The following SNTG1 variants were observed in gnomAD, a reference collection of about 807,000 sequenced individuals.
SNTG1 encodes gamma-1-syntrophin.
A neutral mutation model predicts 74.7 loss-of-function variants in SNTG1; 39 were observed. The ratio of observed to expected loss-of-function variants is 0.52; its 90% CI spans 0.40 to 0.68. SNTG1 has a LOEUF of 0.68. Ranked by LOEUF, SNTG1 falls within the 30% of genes least tolerant of loss-of-function variation. SNTG1 has a pLI of 0.00. For missense variants in SNTG1, 685 were observed against 609.5 expected (o/e 1.12, Z -1.30); for synonymous variants, 254 against 217.1 (o/e 1.17, Z -1.49).
intron 2 of SNTG1, among the ~76,000 whole-genome samples, chr8:50,268,869 G>A (rs1322828799): frequency 6.6e-6 from 1 of 151,940 alleles, no homozygotes; most frequent in Non-Finnish European, 1.5e-5. Context: ...ATGTCACCCT[G>A]GCTGGCCTCA....
At chr8:50,667,688 A>T (rs192552669) in intron 15 of SNTG1, among the ~76,000 whole-genome samples, 8 of 152,178 alleles carry the variant, frequency 5.3e-5, no homozygotes, top group Non-Finnish European at 1.0e-4. Flanking sequence ...GACATATTCA[A>T]ACCATAGTAC....
intron 2 of SNTG1, among the ~76,000 whole-genome samples, chr8:50,223,850 G>A (rs566015676): frequency 6.6e-6 from 1 of 152,078 alleles, no homozygotes; most frequent in East Asian, 1.9e-4. Flanking sequence ...AGATGCATTA[G>A]CTACACAAAA....
chr8:49,952,134 T>G (rs1809777884), intron 1 of SNTG1, among the ~76,000 whole-genome samples: 1 of 152,176 alleles, frequency 6.6e-6, no homozygotes, highest in African/African-American at 2.4e-5. Context: ...GTGCTTTTAT[T>G]GTTTACTGCT....
chr8:50,550,264 T>C (rs2094416687), intron 11 of SNTG1, among the ~76,000 whole-genome samples: 2 of 152,114 alleles, frequency 1.3e-5, no homozygotes, highest in Admixed American at 6.6e-5. Context: ...TGTTTTTCCA[T>C]GGGGAGCTTC....
chr8:50,397,208 A>T (rs757575546), intron 3 of SNTG1, among the ~76,000 whole-genome samples: 1 of 152,224 alleles, frequency 6.6e-6, no homozygotes, highest in African/African-American at 2.4e-5. Flanking sequence ...TCTATATCAC[A>T]TGCATTCCTT....
chr8:50,775,077 C>A (rs562180909), intron 18 of SNTG1, among the ~76,000 whole-genome samples: 1 of 150,924 alleles, frequency 6.6e-6, no homozygotes, highest in Non-Finnish European at 1.5e-5. Context: ...AATAAAGGAA[C>A]AAAGATAAAA....
intron 2 of SNTG1, among the ~76,000 whole-genome samples, chr8:50,263,033 T>C (rs1350575545): frequency 6.6e-6 from 1 of 152,188 alleles, no homozygotes; most frequent in Non-Finnish European, 1.5e-5. Flanking sequence ...TATTTTATAA[T>C]GGTGGATACA....
intron 4 of SNTG1, among the ~76,000 whole-genome samples, chr8:50,413,742 G>T (rs189985187): frequency 2.0e-5 from 3 of 152,046 alleles, no homozygotes; most frequent in Non-Finnish European, 4.4e-5. Flanking sequence ...ATTTTCTTAC[G>T]TTTTTTCATA....
intron 15 of SNTG1, among the ~76,000 whole-genome samples, chr8:50,688,743 A>C (rs902619688): frequency 3.7e-4 from 56 of 152,096 alleles, no homozygotes; most frequent in South Asian, 1.2e-3. Flanking sequence ...AATGCGGGCT[A>C]TTTTTTGGTT....
rs576865680 is a variant in SNTG1 at position 50,524,667 on chromosome 8, G to T, written c.467-5510G>T. On this transcript the variant is annotated intron_variant, in intron 9 of 18. Coordinates refer to ENST00000642720, the MANE Select transcript of SNTG1 (RefSeq NM_018967.5). ...ACAATAAAAATAATACAAATAAACA[G>T]TACAGTATAACAACTACATACATAT... Among the ~76,000 whole-genome samples, 18 of 143,042 alleles carry T rather than the reference G, an allele frequency of 1.3e-4. No homozygotes were observed. In the East Asian group the frequency reaches 3.3e-3, roughly 26 times the overall value. 93.8% of individuals were successfully genotyped at this position (143,042 alleles called of 152,430 possible).
chr8:49,936,994 C>T (rs1482974945), intron 1 of SNTG1, among the ~76,000 whole-genome samples: 1 of 151,996 alleles, frequency 6.6e-6, no homozygotes, highest in Non-Finnish European at 1.5e-5. Context: ...AGTAAAAATA[C>T]AAAAATTCGC....
At chr8:49,996,310 ACCACT>A (rs1814211904) in intron 1 of SNTG1, among the ~76,000 whole-genome samples, 1 of 152,080 alleles carries the variant, frequency 6.6e-6, no homozygotes, top group Admixed American at 6.6e-5. Context: ...TAAGGATTGT[ACCACT>A]CCTTATTATT....
intron 11 of SNTG1, among the ~76,000 whole-genome samples, chr8:50,542,013 A>T (rs148558746): frequency 6.6e-6 from 1 of 150,730 alleles, no homozygotes; most frequent in South Asian, 2.1e-4. Context: ...TTTGTTTTTC[A>T]TGGATGAATA....
chr8:50,280,382 C>G (rs564883585), intron 2 of SNTG1, among the ~76,000 whole-genome samples: 9 of 152,180 alleles, frequency 5.9e-5, no homozygotes, highest in Admixed American at 5.9e-4. Context: ...ATTTAAATGT[C>G]TCAATGTTCC....
chr8:50,452,602 C>T (rs142629768), intron 8 of SNTG1, among the ~76,000 whole-genome samples: 34 of 152,218 alleles, frequency 2.2e-4, no homozygotes, highest in African/African-American at 6.7e-4. Flanking sequence ...AAGATTAGAA[C>T]GCACCAATAA....
chr8:50,678,087 C>A (rs1188366806), intron 15 of SNTG1, among the ~76,000 whole-genome samples: 1 of 150,982 alleles, frequency 6.6e-6, no homozygotes, highest in Non-Finnish European at 1.5e-5. Context: ...CACATGTATC[C>A]CGGAACTTAA....
Position 50,711,128 on chromosome 8 carries a change from G to A in SNTG1, c.1284+2150G>A, listed in dbSNP as rs138097285. 2.9e-3 allele frequency among the ~76,000 whole-genome samples: 446 copies of A among 152,220 alleles called. 5 individuals carry two copies. The highest frequency in any genetic ancestry group is 9.6e-3 in the African/African-American group (397 of 41,542). On this transcript the variant is annotated intron_variant, in intron 17 of 18. Transcript: ENST00000642720. The stretch of plus-strand genomic sequence containing the variant: ...GAGCTGGGCTGACTGCAAGAAACTT[G>A]CACCCCTTCATCAGATGAGGCTGGA...
intron 8 of SNTG1, among the ~76,000 whole-genome samples, chr8:50,452,772 A>G (rs2093468871): frequency 6.6e-6 from 1 of 152,162 alleles, no homozygotes; most frequent in African/African-American, 2.4e-5. Context: ...TTTATTTCTA[A>G]TATTTCACTT....
chr8:50,167,524 C>T (rs1346013798), intron 1 of SNTG1, among the ~76,000 whole-genome samples: 4 of 151,226 alleles, frequency 2.6e-5, no homozygotes, highest in Admixed American at 6.6e-5. Context: ...TGGCCAAGTG[C>T]GGTAGCTCAT....
Sources: allele counts gnomAD v4.1 joint callset (sites outside exome capture counted in the v4.1 genomes callset), GRCh38; gene constraint gnomAD v4.1.1; transcripts MANE v1.5; gene names NCBI Gene and HGNC (gene_info 2026-07-23, HGNC 2026-07-21).